The following COL14A1 variants were observed in gnomAD, a reference collection of about 807,000 sequenced individuals.
The protein encoded by COL14A1 is collagen alpha-1(XIV) chain.
Under a neutral mutation model 230.3 loss-of-function variants are expected in COL14A1, and 136 were observed. The observed-to-expected ratio is 0.59, with a 90% CI of 0.51 to 0.68. The LOEUF (loss-of-function observed/expected upper bound fraction) is 0.68, where lower values mean the gene tolerates loss of function less well. COL14A1 is among the 30% of genes least tolerant of loss of function. The probability of loss-of-function intolerance (pLI) is 0.00; values close to 1 mark genes in which losing one functional copy is unlikely to be tolerated. For synonymous variants in COL14A1, 792 were observed against 784.1 expected (o/e 1.01, Z -0.17); for missense variants, 1,976 against 2,215.8 (o/e 0.89, Z 2.17).
At chr8:120,254,161 T>C (rs1819064874) in intron 22 of COL14A1, among the ~76,000 whole-genome samples, 1 of 152,094 alleles carries the variant, frequency 6.6e-6, no homozygotes, top group Non-Finnish European at 1.5e-5. Flanking sequence ...AGAGAAATAA[T>C]AGAAAATGAT....
intron 17 of COL14A1, among the ~76,000 whole-genome samples, chr8:120,227,791 T>C (rs1299424854): frequency 6.6e-6 from 1 of 152,210 alleles, no homozygotes; most frequent in Non-Finnish European, 1.5e-5. Context: ...CCAAGAGTCT[T>C]GTACAAAATT....
At chr8:120,332,640 T>C in intron 41 of COL14A1, 24 bp from the exon 42 acceptor site, 1 of 1,601,456 alleles carries the variant, frequency 6.2e-7, no homozygotes, top group Non-Finnish European at 8.5e-7. Flanking sequence ...CTGACTTTGT[T>C]CCATTTTCCT....
intron 19 of COL14A1, among the ~76,000 whole-genome samples, chr8:120,235,212 AGGCTGGGAGAGTAGT>A (rs1818401927): frequency 6.6e-6 from 1 of 152,138 alleles, no homozygotes; most frequent in Non-Finnish European, 1.5e-5. Flanking sequence ...TCTGTTGCCC[AGGCTGGGAGAGTAGT>A]GGTGCAATCT....
chr8:120,349,114 C>T (rs1822649519), intron 45 of COL14A1, among the ~76,000 whole-genome samples: 1 of 152,156 alleles, frequency 6.6e-6, no homozygotes, highest in African/African-American at 2.4e-5. Context: ...AGGCACCCCC[C>T]AGCAGGGGCA....
chr8:120,332,720 C>T lies in COL14A1; in HGVS notation c.4770C>T (p.Gly1590=), dbSNP rs112028285. The change falls in exon 42 of 48, where the codon GGC becomes GGT. Residue 1590 remains glycine (G), a synonymous_variant. Coordinates refer to ENST00000297848, the MANE Select transcript of COL14A1 (RefSeq NM_021110.4). ...TCACAGGAAGCATGGGACCGCAAGGCGCCCTGGGACCACCTGTGAGTATGC... is the reference window on the plus strand; with the variant it reads ...TCACAGGAAGCATGGGACCGCAAGGTGCCCTGGGACCACCTGTGAGTATGC... ...PGITGSMGPQ[G]ALGPPGVPGA... 3.6e-4 allele frequency: 588 copies of T among 1,613,010 alleles called. 3 individuals carry two copies. In the East Asian group the frequency reaches 8.2e-3, roughly 23 times the overall value.
rs1818167400 is a variant in COL14A1, at chr8:120,228,699, A to G, written c.2138-11A>G. 7.5e-6 allele frequency: 12 copies of G among 1,610,636 alleles called. No individual in the cohort carries two copies. Among genetic ancestry groups the G allele is most frequent in the Non-Finnish European group, 1.0e-5 (12 of 1,177,008 alleles). On this transcript the variant is annotated splice_polypyrimidine_tract_variant and intron_variant, in intron 17 of 47. Transcript: ENST00000297848. ...TTTTTGCAGCATTTTAAAGTAATATATTGCTTTTAGTTGACAGTTTTTGGA... is the reference window on the plus strand; with the variant it reads ...TTTTTGCAGCATTTTAAAGTAATATGTTGCTTTTAGTTGACAGTTTTTGGA...
chr8:120,250,500 G>A (rs1163468618), intron 21 of COL14A1, 117 bp from the exon 22 acceptor site: 1 of 1,090,678 alleles, frequency 9.2e-7, no homozygotes, highest in African/African-American at 1.6e-5. Flanking sequence ...CCTGCTGTCT[G>A]CTTGCTGTAT....
At chr8:120,260,805 A>G (rs924823960) in intron 23 of COL14A1, among the ~76,000 whole-genome samples, 2 of 152,212 alleles carry the variant, frequency 1.3e-5, no homozygotes, top group Admixed American at 1.3e-4. Flanking sequence ...AGCATCATCT[A>G]ATCTCTAGCC....
At chr8:120,269,124 G>T (rs149305537) in intron 25 of COL14A1, among the ~76,000 whole-genome samples, 1 of 151,648 alleles carries the variant, frequency 6.6e-6, no homozygotes, top group Non-Finnish European at 1.5e-5. Flanking sequence ...AAGGAGAAAG[G>T]CACATTATCT....
upstream of COL14A1, among the ~76,000 whole-genome samples, chr8:120,124,681 C>T (rs1814259142): frequency 6.6e-6 from 1 of 152,272 alleles, no homozygotes; most frequent in Non-Finnish European, 1.5e-5. Context: ...TAGTGGATAC[C>T]TGTTTCACTC....
intron 47 of COL14A1, chr8:120,370,905 C>A: frequency 8.3e-7 from 1 of 1,204,564 alleles, no homozygotes; most frequent in Non-Finnish European, 1.1e-6. Flanking sequence ...GTAAATAAAA[C>A]ATAATATTTA....
chr8:120,182,042 G>C, intron 5 of COL14A1, among the ~76,000 whole-genome samples: 1 of 152,050 alleles, frequency 6.6e-6, no homozygotes, highest in East Asian at 1.9e-4. Context: ...TTTTCCTCTA[G>C]TTCCTCCCTT....
chr8:120,147,023 C>T (rs1815112370), intron 1 of COL14A1, among the ~76,000 whole-genome samples: 1 of 151,900 alleles, frequency 6.6e-6, no homozygotes, highest in Non-Finnish European at 1.5e-5. Flanking sequence ...GCCTCTCTCC[C>T]TTTCTCCCTC....
At chr8:120,286,280 C>T (rs781739472) in intron 33 of COL14A1, among the ~76,000 whole-genome samples, 2 of 151,866 alleles carry the variant, frequency 1.3e-5, no homozygotes, top group African/African-American at 2.4e-5. Context: ...ACATTAGGTG[C>T]GATGTAGAAA....
At chr8:120,300,627 T>C (rs1820681269) in intron 35 of COL14A1, 105 bp from the exon 36 acceptor site, 8 of 879,760 alleles carry the variant, frequency 9.1e-6, no homozygotes, top group Non-Finnish European at 1.4e-5. Context: ...TAATGTGCAC[T>C]TGAAAATCTA....
intron 21 of COL14A1, among the ~76,000 whole-genome samples, chr8:120,248,881 TTTCTGCCTTCAAAAACTCCA>T (rs1429072565): frequency 6.6e-6 from 1 of 150,450 alleles, no homozygotes; most frequent in Non-Finnish European, 1.5e-5. Flanking sequence ...ATATAAGCAC[TTTCTGCCTTCAAAAACTCCA>T]TTAGTTTCAA....
chr8:120,215,254 C>G (rs770539266), intron 13 of COL14A1, among the ~76,000 whole-genome samples: 22 of 152,190 alleles, frequency 1.4e-4, no homozygotes, highest in Non-Finnish European at 2.8e-4. Flanking sequence ...GCCTGTAATC[C>G]CAGCTACTCA....
intron 45 of COL14A1, among the ~76,000 whole-genome samples, chr8:120,366,908 C>G (rs915295425): frequency 6.6e-6 from 1 of 152,196 alleles, no homozygotes; most frequent in East Asian, 1.9e-4. Context: ...GGCTGTGTGA[C>G]TTCAGTAGGA....
chr8:120,324,805 A>G (rs1821603333), intron 40 of COL14A1, among the ~76,000 whole-genome samples: 1 of 152,206 alleles, frequency 6.6e-6, no homozygotes, highest in African/African-American at 2.4e-5. Flanking sequence ...CACTAGTTCT[A>G]AGCAGTATTT....
Sources: allele counts gnomAD v4.1 joint callset (sites outside exome capture counted in the v4.1 genomes callset), GRCh38; gene constraint gnomAD v4.1.1; transcripts MANE v1.5; gene names NCBI Gene and HGNC (gene_info 2026-07-23, HGNC 2026-07-21).